The following NCKAP5 variants were observed in gnomAD, a reference collection of about 807,000 sequenced individuals.
NCKAP5 encodes NCK associated protein 5.
NCKAP5 carries 92 observed loss-of-function variants against 167.0 expected under a neutral mutation model. The ratio of observed to expected loss-of-function variants is 0.55; its 90% CI spans 0.47 to 0.66. The LOEUF is 0.66. Among genes scored for constraint, NCKAP5 ranks in the 30% least tolerant of loss-of-function variants. The pLI, the probability that NCKAP5 is intolerant of heterozygous loss-of-function variation, is 0.00. For synonymous variants in NCKAP5, 891 were observed against 877.4 expected, an observed-to-expected ratio of 1.02 and a Z score of -0.27; for missense variants, 2,378 against 2,315.0, an observed-to-expected ratio of 1.03 and a Z score of -0.56.
chr2:133,164,745 G>A (rs182335562), intron 5 of NCKAP5, among the ~76,000 whole-genome samples: 3 of 152,206 alleles, frequency 2.0e-5, no homozygotes, highest in African/African-American at 7.2e-5. Flanking sequence ...TCAGTGTCTC[G>A]GGAATCTCTG....
chr2:133,602,625 G>T, the NCKAP5 span, among the ~76,000 whole-genome samples: 2 of 152,112 alleles, frequency 1.3e-5, no homozygotes, highest in South Asian at 4.2e-4. Context: ...TGACTTTCTG[G>T]GCTAAGTCTT....
rs373923797 is a variant in NCKAP5 at position 133,355,368 on chromosome 2, T to G, written c.70-52258A>C. Among the ~76,000 whole-genome samples, 14 of 152,344 alleles carry G rather than the reference T, an allele frequency of 9.2e-5. No individual in the cohort carries two copies. In the East Asian group the frequency reaches 2.7e-3, roughly 29 times the overall value. ...TTGAATAAAAAGTTCTGCATATACCTACTGACAAATCAACTTATTATGATT... is the reference window on the plus strand; with the variant it reads ...TTGAATAAAAAGTTCTGCATATACCGACTGACAAATCAACTTATTATGATT... On this transcript the variant is annotated intron_variant, in intron 3 of 19. Coordinates refer to ENST00000409261, the MANE Select transcript of NCKAP5 (RefSeq NM_207363.3).
At chr2:133,332,430 C>G (rs755742102) in intron 3 of NCKAP5, among the ~76,000 whole-genome samples, 1 of 152,004 alleles carries the variant, frequency 6.6e-6, no homozygotes, top group Non-Finnish European at 1.5e-5. Context: ...ATAATTTCAG[C>G]CAAAAAAACC....
chr2:133,146,495 T>C (rs2083202790), intron 5 of NCKAP5, among the ~76,000 whole-genome samples: 1 of 152,074 alleles, frequency 6.6e-6, no homozygotes, highest in Non-Finnish European at 1.5e-5. Context: ...ATCTGGGACT[T>C]TTATTTTACA....
At chr2:132,686,928 TAATC>T (rs1686019818) in intron 19 of NCKAP5, among the ~76,000 whole-genome samples, 1 of 152,164 alleles carries the variant, frequency 6.6e-6, no homozygotes, top group Admixed American at 6.5e-5. Flanking sequence ...GTTCTTGAAA[TAATC>T]AACAACATTA....
intron 19 of NCKAP5, among the ~76,000 whole-genome samples, chr2:132,716,678 T>C (rs564513395): frequency 6.6e-6 from 1 of 152,050 alleles, no homozygotes; most frequent in East Asian, 1.9e-4. Context: ...CTCATTAGGG[T>C]CCCCAGGCTT....
intron 3 of NCKAP5, among the ~76,000 whole-genome samples, chr2:133,448,093 T>C (rs1428548413): frequency 6.6e-6 from 1 of 152,210 alleles, no homozygotes; most frequent in Non-Finnish European, 1.5e-5. Flanking sequence ...GATCATGTCC[T>C]AAGTCCATCC....
chr2:133,429,810 C>A (rs904855570), intron 3 of NCKAP5, among the ~76,000 whole-genome samples: 4 of 151,880 alleles, frequency 2.6e-5, no homozygotes, highest in Admixed American at 6.6e-5. Context: ...TTTGGTAGAA[C>A]GATTTCTTTT....
At chr2:133,638,056 C>T in the NCKAP5 span, among the ~76,000 whole-genome samples, 2 of 152,212 alleles carry the variant, frequency 1.3e-5, no homozygotes, top group Admixed American at 1.3e-4. Flanking sequence ...CTCTCAAAAG[C>T]CATGAGAAAA....
intron 5 of NCKAP5, among the ~76,000 whole-genome samples, chr2:133,166,882 A>G (rs35496058): frequency 0.17 from 26,156 of 152,122 alleles, 2,638 homozygotes; most frequent in Non-Finnish European, 0.22. Context: ...CTGGCAGTCA[A>G]CCTTACAGAT....
Position 132,785,459 on chromosome 2 carries a change from G to C in NCKAP5, c.1352C>G (p.Pro451Arg). Residue 451 changes from proline (P) to arginine (R), a missense_variant, in exon 14 of 20, where the codon CCC becomes CGC. Physicochemically the swap from Pro to Arg is moderately radical, Grantham distance 103. Around this residue, in one of 3 missense-constraint regions of NCKAP5, gnomAD observed 1,049 missense variants for 1,023.4 expected, o/e 1.02. Transcript: ENST00000409261. ...IKSSSLKEYP[P>R]CKTADLGSPC... is the part of the protein sequence containing the mutation. ...GCTCCCCAGGTCAGCTGTTTTGCAG[G>C]GGGGATACTCCTTGAGGCTGCTACT... 1 of 1,613,652 alleles carries C rather than the reference G, an allele frequency of 6.2e-7. No homozygotes were observed. Among genetic ancestry groups the C allele is most frequent in the Non-Finnish European group, 8.5e-7 (1 of 1,179,734 alleles).
At chr2:133,089,553 A>G (rs1290455543) in intron 6 of NCKAP5, among the ~76,000 whole-genome samples, 1 of 152,168 alleles carries the variant, frequency 6.6e-6, no homozygotes, top group Non-Finnish European at 1.5e-5. Flanking sequence ...ATGGTGAAAA[A>G]CACTTGTCAT....
chr2:133,046,960 AAATT>A (rs10534852), intron 6 of NCKAP5, among the ~76,000 whole-genome samples: 43,247 of 151,850 alleles, frequency 0.28, 6,826 homozygotes, highest in South Asian at 0.47. Flanking sequence ...CAATCCAAGT[AAATT>A]GGCAGGTTGG....
At chr2:133,240,465 C>T (rs1017294246) in intron 4 of NCKAP5, among the ~76,000 whole-genome samples, 21 of 152,106 alleles carry the variant, frequency 1.4e-4, no homozygotes, top group African/African-American at 4.6e-4. Context: ...CTGATGCCCC[C>T]CAAAGTAGCT....
At chr2:133,466,995 C>A (rs1291359414) in intron 3 of NCKAP5, among the ~76,000 whole-genome samples, 25 of 152,038 alleles carry the variant, frequency 1.6e-4, no homozygotes, top group Admixed American at 1.6e-3. Flanking sequence ...ATTGAATACC[C>A]TTTATTTCCT....
chr2:132,852,585 A>G (rs560801897), intron 11 of NCKAP5, among the ~76,000 whole-genome samples: 106 of 152,304 alleles, frequency 7.0e-4, no homozygotes, highest in African/African-American at 2.3e-3. Context: ...GTATTGTTGC[A>G]AGAGGTTGGG....
At chr2:132,705,402 C>T (rs1026806813) in intron 19 of NCKAP5, among the ~76,000 whole-genome samples, 1 of 152,104 alleles carries the variant, frequency 6.6e-6, no homozygotes, top group Non-Finnish European at 1.5e-5. Context: ...TCAGACTACC[C>T]CTATCATTCT....
At chr2:133,264,506 C>T (rs996442474) in intron 4 of NCKAP5, among the ~76,000 whole-genome samples, 5 of 152,292 alleles carry the variant, frequency 3.3e-5, no homozygotes, top group South Asian at 2.1e-4. Context: ...TTCCCACCCC[C>T]GGGGGCCTAC....
intron 19 of NCKAP5, chr2:132,714,863 GGTA>G (rs994166835): frequency 8.8e-6 from 4 of 455,080 alleles, no homozygotes; most frequent in Non-Finnish European, 1.8e-5. Context: ...CTGAAACCCA[GGTA>G]TGTAAGCTCC....
Sources: gnomAD v4.1 joint callset for allele counts (sites outside exome capture counted in the v4.1 genomes callset) on GRCh38, gnomAD v4.1.1 for gene constraint, gnomAD v4.1.1 regional missense constraint, MANE v1.5 for transcripts, NCBI Gene and HGNC (gene_info 2026-07-23, HGNC 2026-07-21) for gene names.